Variants in C19orf53 observed in about 807,000 individuals in gnomAD.
C19orf53 encodes leydig cell tumor 10 kDa protein homolog.
A neutral mutation model predicts 6.5 loss-of-function variants in C19orf53; 9 were observed. The observed-to-expected ratio is 1.38, with a 90% CI of 0.83 to 2.40. C19orf53 has a LOEUF of 2.40. Among genes scored for constraint, C19orf53 ranks in the 30% most tolerant of loss-of-function variants. The pLI, the probability that C19orf53 is intolerant of heterozygous loss-of-function variation, is 0.00. For synonymous variants in C19orf53, 68 were observed against 52.5 expected, an observed-to-expected ratio of 1.29 and a Z score of -1.27; for missense variants, 166 against 129.7, an observed-to-expected ratio of 1.28 and a Z score of -1.36.
rs1458431102 is a variant in C19orf53, at chr19:13,778,175, A to G, written c.277A>G (p.Thr93Ala). Reference protein sequence around the residue: ...PAKKKGAAAATSSKTPS With the variant: ...PAKKKGAAAAASSKTPS The stretch of plus-strand genomic sequence containing the variant: ...CAAGAAGAAAGGGGCAGCTGCCGCC[A>G]CCTCCTCCAAGACACCTTCCTGAGG... The change falls in exon 3 of 3, where the codon ACC becomes GCC. Residue 93 changes from threonine (T) to alanine (A), a missense_variant. Transcript: ENST00000588234. The G allele has an allele frequency of 1.2e-6, 2 of 1,609,070 alleles. No homozygotes were observed. Among genetic ancestry groups the G allele is most frequent in the East Asian group, 2.2e-5 (1 of 44,636 alleles).
rs377147258 is a variant in C19orf53 at position 13,777,964 on chromosome 19, C to G, written c.154-88C>G. The G allele has an allele frequency of 1.1e-5, 16 of 1,501,978 alleles. No homozygotes were observed. The African/African-American group carries it at 2.2e-4, about 21-fold the overall frequency. The allele number at this position is 1,501,978 out of a possible 1,614,324, so 93.0% of individuals were successfully genotyped here. A position where few individuals can be genotyped will look rare whatever the true frequency, so the allele number is the denominator to read the frequency against. On this transcript the variant is annotated intron_variant, in intron 2 of 2. Coordinates refer to ENST00000588234, the MANE Select transcript of C19orf53 (RefSeq NM_014047.3). ...AGGGGATAGTTGCTGATCTAGCCCC[C>G]TGCGAGCTCTAGCCAGGAAGAGGGT... is the stretch of plus-strand genomic sequence containing the variant.
chr19:13,778,272 C>T lies in C19orf53; in HGVS notation c.*74C>T, dbSNP rs1168593984. 6.8e-7 allele frequency: 1 copy of T among 1,468,046 alleles called. No homozygotes were observed. Among genetic ancestry groups the T allele is most frequent in the East Asian group, 2.4e-5 (1 of 40,972 alleles). The allele number at this position is 1,468,046 out of a possible 1,614,324, so 90.9% of individuals were successfully genotyped here. On this transcript the variant is annotated 3_prime_UTR_variant, in exon 3 of 3. Coordinates refer to ENST00000588234, the MANE Select transcript of C19orf53 (RefSeq NM_014047.3). ...GGGACCTTGCAAGTCATCCCACAGG[C>T]TGCACTGTCAGGAAGAGGACCCTGT...
chr19:13,777,644 C>G (rs769680608), intron 2 of C19orf53, among the ~76,000 whole-genome samples: 1 of 134,660 alleles, frequency 7.4e-6, no homozygotes, highest in Non-Finnish European at 1.6e-5. Context: ...GCTCCCTTGC[C>G]CACTCTTCAG....
At position 13,778,491 on chromosome 19, in the gene C19orf53, G is replaced by GGCCAGGTGAGCCC. The variant is rs1974392525; in HGVS notation, c.*294_*306dup. 2 of 246,310 alleles carry GGCCAGGTGAGCCC rather than the reference G, an allele frequency of 8.1e-6. No individual in the cohort carries two copies. The highest frequency in any genetic ancestry group is 1.6e-5 in the Non-Finnish European group (2 of 128,934). The allele number at this position is 246,310 out of a possible 1,614,324, so 15.3% of individuals were successfully genotyped here. On this transcript the variant is annotated 3_prime_UTR_variant, in exon 3 of 3. Coordinates refer to ENST00000588234, the MANE Select transcript of C19orf53 (RefSeq NM_014047.3). ...TTGCAGTCCTGTGTTCGGGTGAGCAGGCCAGGTGAGCCCACAAGTCTCCAT... is the reference window on the plus strand; with the variant it reads ...TTGCAGTCCTGTGTTCGGGTGAGCAGGCCAGGTGAGCCCGCCAGGTGAGCCCACAAGTCTCCAT...
chr19:13,777,746 G>A (rs1974385432), intron 2 of C19orf53, among the ~76,000 whole-genome samples: 1 of 152,198 alleles, frequency 6.6e-6, no homozygotes, highest in Admixed American at 6.5e-5. Context: ...GGGCACGCCG[G>A]ATCCCATGCA....
intron 2 of C19orf53, among the ~76,000 whole-genome samples, chr19:13,777,530 G>A (rs894608524): frequency 2.0e-5 from 3 of 152,154 alleles, no homozygotes; most frequent in Admixed American, 6.6e-5. Flanking sequence ...CCAGTCCGTC[G>A]GAACTCAGAA....
At chr19:13,775,612 G>C (rs1403214863) in intron 2 of C19orf53, 1 of 152,076 alleles carries the variant, frequency 6.6e-6, no homozygotes, top group East Asian at 1.9e-4. Flanking sequence ...ATATGTAGAT[G>C]GGTAAGGTTG....
Position 13,774,713 on chromosome 19 carries a change from CG to C in C19orf53, c.153+11del, listed in dbSNP as rs1185131078. 1.3e-6 allele frequency: 2 copies of C among 1,592,662 alleles called. No homozygotes were observed. The highest frequency in any genetic ancestry group is 8.6e-7 in the Non-Finnish European group (1 of 1,165,678). ...AGCAGCAAAAGCTCAAGAAGGTGTG[CG>C]GGGGCGAGAGATGGAGCCCGGAGGG... is the stretch of plus-strand genomic sequence containing the variant. On this transcript the variant is annotated splice_region_variant and intron_variant, in intron 2 of 2. Coordinates refer to ENST00000588234, the MANE Select transcript of C19orf53 (RefSeq NM_014047.3).
chr19:13,776,085 G>A lies in C19orf53; in HGVS notation c.153+1378G>A, dbSNP rs542713698. On this transcript the variant is annotated intron_variant, in intron 2 of 2. Coordinates refer to ENST00000588234, the MANE Select transcript of C19orf53 (RefSeq NM_014047.3). ...CGATTTTCCTCCCTCAGCCTCCCGAGTAACTGGGATTACAGGCCTGCACCA... is the reference window on the plus strand; with the variant it reads ...CGATTTTCCTCCCTCAGCCTCCCGAATAACTGGGATTACAGGCCTGCACCA... Among the ~76,000 whole-genome samples, 4 of 146,484 alleles carry A rather than the reference G, an allele frequency of 2.7e-5. No individual in the cohort carries two copies. The South Asian group carries it at 6.5e-4, about 24-fold the overall frequency.
intron 2 of C19orf53, among the ~76,000 whole-genome samples, chr19:13,776,012 A>T (rs903992144): frequency 6.6e-6 from 1 of 151,526 alleles, no homozygotes; most frequent in Admixed American, 6.6e-5. Flanking sequence ...GCTGGAGTGC[A>T]GTTGAGTGAT....
At chr19:13,776,124 ATTTTTTTTTTTT>A (rs57201742) in intron 2 of C19orf53, among the ~76,000 whole-genome samples, 2 of 84,922 alleles carry the variant, frequency 2.4e-5, no homozygotes, top group Admixed American at 1.5e-4. Flanking sequence ...CACCGGGCTA[ATTTTTTTTTTTT>A]TTTTTTTTTT....
chr19:13,777,615 G>A (rs1489496935), intron 2 of C19orf53, among the ~76,000 whole-genome samples: 1 of 151,608 alleles, frequency 6.6e-6, no homozygotes, highest in African/African-American at 2.4e-5. Context: ...TTTGCCCCAC[G>A]CTTGTGCCTT....
intron 2 of C19orf53, chr19:13,775,721 A>G (rs987197967): frequency 2.0e-5 from 3 of 152,204 alleles, no homozygotes; most frequent in African/African-American, 7.2e-5. Context: ...TGTGATCTTG[A>G]GCAAATTGTT....
Position 13,774,588 on chromosome 19 carries a change from C to G in C19orf53, c.97+14C>G. 2.5e-6 allele frequency: 4 copies of G among 1,614,018 alleles called. No homozygotes were observed. Among genetic ancestry groups the G allele is most frequent in the Non-Finnish European group, 3.4e-6 (4 of 1,179,874 alleles). ...CAAGAAAAGGCGGTAAGGAGCGGCC[C>G]GGGGACTTGGGGGCGAGGTGGACCC... On this transcript the variant is annotated intron_variant, in intron 1 of 2. Coordinates refer to ENST00000588234, the MANE Select transcript of C19orf53 (RefSeq NM_014047.3).
rs1352109885 is a variant in C19orf53, at chr19:13,778,144, C to T, written c.246C>T (p.Ala82=). ...CCAAGAAGCTGGCACTGCTGAAGGC[C>T]CCAGCCAAGAAGAAAGGGGCAGCTG... ...SLPKKLALLK[A]PAKKKGAAAA... Residue 82 remains alanine (A), a synonymous_variant, in exon 3 of 3, where the codon GCC becomes GCT. Transcript: ENST00000588234. 6.2e-7 allele frequency: 1 copy of T among 1,612,598 alleles called. No homozygotes were observed. Among genetic ancestry groups the T allele is most frequent in the Admixed American group, 1.7e-5 (1 of 59,848 alleles).
chr19:13,776,943 CTGTTTTTGTTTTT>C (rs1195141413), intron 2 of C19orf53, among the ~76,000 whole-genome samples: 3 of 93,016 alleles, frequency 3.2e-5, no homozygotes, highest in Admixed American at 3.2e-4. Flanking sequence ...GTCATTGGAA[CTGTTTTTGTTTTT>C]TGTTTTTGTT....
At chr19:13,775,299 T>TCA in intron 2 of C19orf53, among the ~76,000 whole-genome samples, 1 of 146,682 alleles carries the variant, frequency 6.8e-6, no homozygotes, top group Non-Finnish European at 1.5e-5. Flanking sequence ...CATTTTTTTT[T>TCA]GAGTCAGGGT....
chr19:13,774,774 C>G, intron 2 of C19orf53, 67 bp downstream of exon 2: 4 of 1,519,886 alleles, frequency 2.6e-6, no homozygotes, highest in South Asian at 2.6e-5. Flanking sequence ...CGGAGGACGG[C>G]GAGGGGGGAT....
rs57201742 is a variant in C19orf53 at position 13,776,124 on chromosome 19, ATTTTTTTTTTT to A, written c.153+1434_153+1444del. Among the ~76,000 whole-genome samples the A allele has an allele frequency of 3.1e-3, 264 of 84,914 alleles. 2 individuals carry two copies. Among genetic ancestry groups the A allele is most frequent in the Middle Eastern group, 6.3e-3 (1 of 158 alleles). 55.7% of individuals were successfully genotyped at this position (84,914 alleles called of 152,430 possible). ...AGGCCTGCACCACCACACCGGGCTA[ATTTTTTTTTTT>A]TTTTTTTTTTTTTTTTGTAATTTTA... On this transcript the variant is annotated intron_variant, in intron 2 of 2. Coordinates refer to ENST00000588234, the MANE Select transcript of C19orf53 (RefSeq NM_014047.3).
Sources: gnomAD v4.1 joint callset for allele counts (sites outside exome capture counted in the v4.1 genomes callset) on GRCh38, gnomAD v4.1.1 for gene constraint, MANE v1.5 for transcripts, NCBI Gene and HGNC (gene_info 2026-07-23, HGNC 2026-07-21) for gene names.